Variants in FAM227B observed in about 807,000 individuals in gnomAD.
The protein encoded by FAM227B is protein FAM227B.
Under a neutral mutation model 73.8 loss-of-function variants are expected in FAM227B, and 88 were observed. The observed-to-expected ratio is 1.19, with a 90% CI of 1.00 to 1.42. The LOEUF (loss-of-function observed/expected upper bound fraction) is 1.42, where lower values mean the gene tolerates loss of function less well. FAM227B is among the 40% of genes most tolerant of loss of function. FAM227B has a pLI of 0.00. For missense variants in FAM227B, 632 were observed against 590.9 expected, an observed-to-expected ratio of 1.07 and a Z score of -0.72; for synonymous variants, 210 against 190.5, an observed-to-expected ratio of 1.10 and a Z score of -0.84.
chr15:49,533,860 T>C (rs2060806696), intron 10 of FAM227B, among the ~76,000 whole-genome samples: 1 of 151,876 alleles, frequency 6.6e-6, no homozygotes, highest in African/African-American at 2.4e-5. Context: ...TGTAATCCAT[T>C]TAAATTCAAT....
intron 9 of FAM227B, among the ~76,000 whole-genome samples, chr15:49,544,457 T>G (rs191701088): frequency 7.8e-4 from 119 of 152,210 alleles, no homozygotes; most frequent in Non-Finnish European, 1.4e-3. Context: ...CAGAAAACAG[T>G]GACAGTATGA....
intron 5 of FAM227B, among the ~76,000 whole-genome samples, chr15:49,586,910 G>C (rs1221078103): frequency 6.6e-6 from 1 of 152,146 alleles, no homozygotes; most frequent in Non-Finnish European, 1.5e-5. Context: ...AAAAGGGAAT[G>C]CTTATAATAC....
intron 5 of FAM227B, among the ~76,000 whole-genome samples, chr15:49,587,150 C>T (rs1255107208): frequency 6.6e-6 from 1 of 152,042 alleles, no homozygotes; most frequent in Non-Finnish European, 1.5e-5. Flanking sequence ...CTATGCAGCC[C>T]TAAGAAACAA....
intron 13 of FAM227B, among the ~76,000 whole-genome samples, chr15:49,359,742 T>C (rs1280526441): frequency 7.3e-6 from 1 of 137,532 alleles, no homozygotes; most frequent in Non-Finnish European, 1.6e-5. Context: ...TTACTGGGTA[T>C]ATACCCAAAG....
At chr15:49,583,576 A>C (rs2075955400) in intron 5 of FAM227B, among the ~76,000 whole-genome samples, 1 of 151,814 alleles carries the variant, frequency 6.6e-6, no homozygotes, top group Non-Finnish European at 1.5e-5. Flanking sequence ...GGTAACCAGC[A>C]GCCCTTGGGG....
chr15:49,570,618 T>G (rs1315942768), intron 8 of FAM227B, among the ~76,000 whole-genome samples: 1 of 151,610 alleles, frequency 6.6e-6, no homozygotes, highest in African/African-American at 2.4e-5. Context: ...CATCTCACCT[T>G]TCCCCATTTC....
intron 8 of FAM227B, among the ~76,000 whole-genome samples, chr15:49,571,322 CTGTT>C (rs2075084570): frequency 6.6e-6 from 1 of 151,862 alleles, no homozygotes; most frequent in Admixed American, 6.6e-5. Context: ...AATCTATTGA[CTGTT>C]TGCTTTGCTC....
chr15:49,554,141 A>G (rs1277534905), intron 9 of FAM227B, among the ~76,000 whole-genome samples: 1 of 151,998 alleles, frequency 6.6e-6, no homozygotes, highest in Non-Finnish European at 1.5e-5. Context: ...CTGATGCCCT[A>G]TCCTGCTGGG....
chr15:49,433,716 G>A (rs1241916635), intron 11 of FAM227B, among the ~76,000 whole-genome samples: 1 of 151,644 alleles, frequency 6.6e-6, no homozygotes, highest in Admixed American at 6.6e-5. Flanking sequence ...GGTGACACTG[G>A]AAGGTTGATT....
chr15:49,467,675 T>C (rs2054386024), intron 11 of FAM227B, among the ~76,000 whole-genome samples: 1 of 152,166 alleles, frequency 6.6e-6, no homozygotes, highest in Non-Finnish European at 1.5e-5. Context: ...GTGTTGTATT[T>C]AGCAGATGTA....
chr15:49,573,683 A>G (rs1356214342), intron 8 of FAM227B, among the ~76,000 whole-genome samples: 1 of 152,154 alleles, frequency 6.6e-6, no homozygotes, highest in Admixed American at 6.6e-5. Flanking sequence ...TTCCCAGCCT[A>G]CTGTGAGCCA....
At chr15:49,612,113 T>G (rs1207741347) in intron 2 of FAM227B, among the ~76,000 whole-genome samples, 1 of 151,996 alleles carries the variant, frequency 6.6e-6, no homozygotes, top group African/African-American at 2.4e-5. Context: ...TTATTATACT[T>G]TAAGTTTTAG....
chr15:49,458,484 C>T (rs953484582), intron 11 of FAM227B, among the ~76,000 whole-genome samples: 3 of 152,078 alleles, frequency 2.0e-5, no homozygotes, highest in African/African-American at 7.2e-5. Flanking sequence ...CCTGTTCCCT[C>T]TTTACCAATT....
At chr15:49,551,071 G>C (rs1006932308) in intron 9 of FAM227B, among the ~76,000 whole-genome samples, 1 of 152,244 alleles carries the variant, frequency 6.6e-6, no homozygotes, top group African/African-American at 2.4e-5. Context: ...CTCGCCGCTA[G>C]GAGCTGGAGA....
chr15:49,501,057 T>A (rs1210320451), intron 11 of FAM227B, among the ~76,000 whole-genome samples: 1 of 152,198 alleles, frequency 6.6e-6, no homozygotes, highest in East Asian at 1.9e-4. Flanking sequence ...CAATTAAACC[T>A]CTTTTTCTTG....
chr15:49,346,417 A>G (rs1429153587), intron 13 of FAM227B, among the ~76,000 whole-genome samples: 4 of 151,936 alleles, frequency 2.6e-5, no homozygotes, highest in African/African-American at 9.7e-5. Flanking sequence ...CTTTCCCCAC[A>G]CCTAAGGCCA....
At chr15:49,428,047 C>T (rs1157816413) in intron 11 of FAM227B, among the ~76,000 whole-genome samples, 1 of 151,644 alleles carries the variant, frequency 6.6e-6, no homozygotes, top group Non-Finnish European at 1.5e-5. Flanking sequence ...TCAAGGAACC[C>T]AACGGAAATA....
chr15:49,438,151 T>C (rs2051285171), intron 11 of FAM227B, among the ~76,000 whole-genome samples: 2 of 151,548 alleles, frequency 1.3e-5, no homozygotes. Context: ...TGCAGGGAAG[T>C]CTCATATCTT....
At chr15:49,508,398 T>G in intron 10 of FAM227B, 50 bp from the exon 11 acceptor site, 1 of 1,443,226 alleles carries the variant, frequency 6.9e-7, no homozygotes. Context: ...ATTTTGAAAA[T>G]ACCTTTTAAT....
Sources: allele counts gnomAD v4.1 joint callset (sites outside exome capture counted in the v4.1 genomes callset), GRCh38; gene constraint gnomAD v4.1.1; transcripts MANE v1.5; gene names NCBI Gene and HGNC (gene_info 2026-07-23, HGNC 2026-07-21).